Variants in TNS3 observed in about 807,000 individuals in gnomAD.
The protein encoded by TNS3 is tensin 3.
In TNS3, 45 loss-of-function variants were observed where a neutral mutation model predicts 140.9. That is an observed-to-expected ratio of 0.32 (90% CI 0.25 to 0.41). The LOEUF is 0.41. Among genes scored for constraint, TNS3 ranks in the 10% least tolerant of loss-of-function variants. The pLI, the probability that TNS3 is intolerant of heterozygous loss-of-function variation, is 1.00. For synonymous variants in TNS3, 815 were observed against 788.4 expected, an observed-to-expected ratio of 1.03 and a Z score of -0.56; for missense variants, 1,716 against 1,906.7, an observed-to-expected ratio of 0.90 and a Z score of 1.86.
chr7:47,459,192 G>C (rs1444167512), intron 4 of TNS3, among the ~76,000 whole-genome samples: 2 of 152,148 alleles, frequency 1.3e-5, no homozygotes, highest in Non-Finnish European at 1.5e-5. Flanking sequence ...ACATTCTATA[G>C]TTTAAAATGT....
At chr7:47,288,904 C>T (rs1309327390) in intron 27 of TNS3, among the ~76,000 whole-genome samples, 1 of 152,246 alleles carries the variant, frequency 6.6e-6, no homozygotes, top group Non-Finnish European at 1.5e-5. Context: ...GATCAAAATC[C>T]TGAGTAGCAG....
chr7:47,368,213 A>T, intron 17 of TNS3, 152 bp downstream of exon 17: 2 of 828,514 alleles, frequency 2.4e-6, no homozygotes, highest in Non-Finnish European at 3.4e-6. Flanking sequence ...TTTGGATCCT[A>T]GGCCAAAATT....
At chr7:47,353,832 C>T (rs1789821729) in intron 17 of TNS3, among the ~76,000 whole-genome samples, 1 of 152,180 alleles carries the variant, frequency 6.6e-6, no homozygotes, top group Admixed American at 6.5e-5. Flanking sequence ...TATCCTTGAG[C>T]TTCTGGTAAA....
chr7:47,561,818 G>A (rs1041744180), intron 1 of TNS3, among the ~76,000 whole-genome samples: 4 of 152,214 alleles, frequency 2.6e-5, no homozygotes, highest in Non-Finnish European at 5.9e-5. Context: ...TGCAGCTTCT[G>A]CCTTTGCCCT....
chr7:47,468,838 C>A (rs1796828996), intron 4 of TNS3, among the ~76,000 whole-genome samples: 1 of 152,186 alleles, frequency 6.6e-6, no homozygotes, highest in Non-Finnish European at 1.5e-5. Context: ...CAACTTCAAA[C>A]TATACTACAA....
At chr7:47,558,156 G>C (rs1245688124) in intron 1 of TNS3, among the ~76,000 whole-genome samples, 2 of 152,092 alleles carry the variant, frequency 1.3e-5, no homozygotes, top group Non-Finnish European at 2.9e-5. Flanking sequence ...CAAGAATGAG[G>C]GAGCCCGATT....
In TNS3 at chr7:47,522,803, C is replaced by T. The variant is rs1799034204; in HGVS notation, c.-153+6233G>A. Among the ~76,000 whole-genome samples the T allele has an allele frequency of 2.6e-5, 4 of 151,948 alleles. No homozygotes were observed. The South Asian group carries it at 8.3e-4, about 32-fold the overall frequency. Reference sequence around the variant, plus strand: ...ATTAGCCGGGTGTGGTGGCGGGCGCCTGTAGTCCCAGCTACTCGGGAGGCT... The same window carrying T: ...ATTAGCCGGGTGTGGTGGCGGGCGCTTGTAGTCCCAGCTACTCGGGAGGCT... On this transcript the variant is annotated intron_variant, in intron 2 of 30. Transcript: ENST00000311160.
chr7:47,481,415 G>A (rs1192640524), intron 3 of TNS3: 1 of 302,998 alleles, frequency 3.3e-6, no homozygotes, highest in Non-Finnish European at 6.3e-6. Flanking sequence ...ACAAAATTTA[G>A]CCCCCACTTT....
At chr7:47,380,763 C>T (rs771754084) in intron 16 of TNS3, among the ~76,000 whole-genome samples, 15 of 140,684 alleles carry the variant, frequency 1.1e-4, no homozygotes, top group Non-Finnish European at 2.0e-4. Flanking sequence ...CACATATGCA[C>T]GCGCGCGCAC....
intron 1 of TNS3, among the ~76,000 whole-genome samples, chr7:47,573,855 G>A (rs1800613863): frequency 6.6e-6 from 1 of 152,200 alleles, no homozygotes; most frequent in Non-Finnish European, 1.5e-5. Flanking sequence ...CATGTTCCAA[G>A]GAGGGGAAAA....
intron 18 of TNS3, among the ~76,000 whole-genome samples, chr7:47,345,459 C>T (rs984392848): frequency 1.2e-4 from 19 of 152,104 alleles, no homozygotes; most frequent in Non-Finnish European, 5.9e-5. Flanking sequence ...AGAAAAAAGG[C>T]CGGGTGGAAA....
At chr7:47,456,986 C>T (rs1379783056) in intron 4 of TNS3, among the ~76,000 whole-genome samples, 1 of 151,648 alleles carries the variant, frequency 6.6e-6, no homozygotes, top group Non-Finnish European at 1.5e-5. Flanking sequence ...ATCATAGTAA[C>T]TTTCTCCCTA....
intron 4 of TNS3, chr7:47,470,687 T>C: frequency 2.0e-6 from 2 of 982,584 alleles, no homozygotes; most frequent in Non-Finnish European, 1.2e-6. Context: ...ATCCAGTGTC[T>C]GTGAGCCACA....
At chr7:47,376,640 C>T (rs894198060) in intron 16 of TNS3, among the ~76,000 whole-genome samples, 7 of 151,576 alleles carry the variant, frequency 4.6e-5, no homozygotes, top group Admixed American at 4.6e-4. Flanking sequence ...GAAATTTAAA[C>T]CAACCTCCCT....
At chr7:47,487,023 G>T (rs988533799) in intron 3 of TNS3, among the ~76,000 whole-genome samples, 1 of 152,174 alleles carries the variant, frequency 6.6e-6, no homozygotes, top group Non-Finnish European at 1.5e-5. Context: ...GAGAGGCCGG[G>T]CGCAGTAGCT....
intron 10 of TNS3, 113 bp downstream of exon 10, chr7:47,423,988 A>G (rs538656481): frequency 9.2e-7 from 1 of 1,086,612 alleles, no homozygotes; most frequent in South Asian, 1.4e-5. Context: ...GCATGACCCA[A>G]GAATACTATT....
intron 1 of TNS3, among the ~76,000 whole-genome samples, chr7:47,553,548 C>A (rs75076051): frequency 6.6e-6 from 1 of 152,338 alleles, no homozygotes; most frequent in African/African-American, 2.4e-5. Context: ...CTTCTGCATA[C>A]AACATGGTTT....
chr7:47,496,611 G>A (rs1798016360), intron 3 of TNS3, among the ~76,000 whole-genome samples: 1 of 152,208 alleles, frequency 6.6e-6, no homozygotes, highest in African/African-American at 2.4e-5. Flanking sequence ...TAAAAGCGAT[G>A]GTGGCCAACG....
chr7:47,493,877 G>A (rs1009778089), intron 3 of TNS3, among the ~76,000 whole-genome samples: 7 of 150,864 alleles, frequency 4.6e-5, no homozygotes, highest in East Asian at 1.9e-4. Flanking sequence ...AACCCTAAGA[G>A]CTCACAACTT....
Sources: allele counts gnomAD v4.1 joint callset (sites outside exome capture counted in the v4.1 genomes callset), GRCh38; gene constraint gnomAD v4.1.1; transcripts MANE v1.5; gene names NCBI Gene and HGNC (gene_info 2026-07-23, HGNC 2026-07-21).